WASF2: variants seen among roughly 807,000 people sequenced by gnomAD.
WASF2 encodes actin-binding protein WASF2.
A neutral mutation model predicts 45.0 loss-of-function variants in WASF2; 14 were observed. The observed-to-expected ratio is 0.31, with a 90% CI of 0.21 to 0.49. WASF2 has a LOEUF of 0.49. WASF2 is among the 20% of genes least tolerant of loss of function. The pLI is 0.99. For synonymous variants in WASF2, 200 were observed against 236.3 expected (o/e 0.85, Z 1.41); for missense variants, 439 against 636.1 (o/e 0.69, Z 3.33).
In WASF2 at chr1:27,426,415, A is replaced by G. The variant is rs143734367; in HGVS notation, c.130+2346T>C. Among the ~76,000 whole-genome samples, 35 of 152,312 alleles carry G rather than the reference A, an allele frequency of 2.3e-4. No individual in the cohort carries two copies. The East Asian group carries it at 6.7e-3, about 29-fold the overall frequency. ...AAACCAGGGCAATATTGGCAGAGACAGCGAGTAAGGGACAGAGCTGAGAAA... is the reference window on the plus strand; with the variant it reads ...AAACCAGGGCAATATTGGCAGAGACGGCGAGTAAGGGACAGAGCTGAGAAA... On this transcript the variant is annotated intron_variant, in intron 2 of 8. Coordinates refer to ENST00000618852, the MANE Select transcript of WASF2 (RefSeq NM_006990.5).
At chr1:27,481,781 C>T (rs936014719) in intron 1 of WASF2, among the ~76,000 whole-genome samples, 1 of 152,134 alleles carries the variant, frequency 6.6e-6, no homozygotes, top group African/African-American at 2.4e-5. Flanking sequence ...ATTAATCTTA[C>T]AGCTGAGAGT....
intron 1 of WASF2, among the ~76,000 whole-genome samples, chr1:27,466,124 G>A (rs2017608363): frequency 6.6e-6 from 1 of 152,138 alleles, no homozygotes; most frequent in Non-Finnish European, 1.5e-5. Context: ...TTGAAAACTA[G>A]TAAATGAAAG....
intron 2 of WASF2, among the ~76,000 whole-genome samples, chr1:27,422,726 A>G (rs2016926579): frequency 6.6e-6 from 1 of 152,056 alleles, no homozygotes; most frequent in African/African-American, 2.4e-5. Flanking sequence ...CCTCATCTGT[A>G]AAGTGGGGAT....
intron 5 of WASF2, 68 bp downstream of exon 5, chr1:27,415,917 G>T: frequency 7.5e-7 from 1 of 1,325,168 alleles, no homozygotes; most frequent in Non-Finnish European, 1.1e-6. Flanking sequence ...CATAACACTG[G>T]CTTCCTTTTT....
intron 1 of WASF2, among the ~76,000 whole-genome samples, chr1:27,429,925 C>A (rs1230431062): frequency 6.6e-6 from 1 of 152,004 alleles, no homozygotes; most frequent in Admixed American, 6.5e-5. Flanking sequence ...TGTAAGATTC[C>A]CTGGTGCTTT....
chr1:27,487,657 AATATATATT>A (rs1333943490), intron 1 of WASF2, among the ~76,000 whole-genome samples: 2 of 104,778 alleles, frequency 1.9e-5, no homozygotes, highest in East Asian at 4.6e-4. Flanking sequence ...TATATTATAT[AATATATATT>A]ATATATATTT....
chr1:27,479,470 T>C (rs1311720966), intron 1 of WASF2, among the ~76,000 whole-genome samples: 1 of 152,188 alleles, frequency 6.6e-6, no homozygotes, highest in Admixed American at 6.5e-5. Flanking sequence ...AATATAAATC[T>C]CATCTTAAAA....
chr1:27,422,967 T>C (rs2016929714), intron 2 of WASF2, among the ~76,000 whole-genome samples: 2 of 152,050 alleles, frequency 1.3e-5, no homozygotes, highest in African/African-American at 4.8e-5. Context: ...GGTGAAACCC[T>C]GTCTCTACTA....
At chr1:27,487,045 ATATAT>A (rs1174506093) in intron 1 of WASF2, among the ~76,000 whole-genome samples, 1 of 139,968 alleles carries the variant, frequency 7.1e-6, no homozygotes, top group Non-Finnish European at 1.5e-5. Flanking sequence ...AATCTGTTAC[ATATAT>A]TATATATAAC....
chr1:27,482,164 A>C (rs1370338248), intron 1 of WASF2, among the ~76,000 whole-genome samples: 3 of 152,216 alleles, frequency 2.0e-5, no homozygotes, highest in African/African-American at 7.2e-5. Context: ...ACTTTACCTT[A>C]ATGGTGACTA....
Position 27,408,116 on chromosome 1 carries a change from G to T in WASF2, c.*73C>A. ...TTTCCTCCCTTTTCTCCCCCTACGG[G>T]TCTGTTGGGGTTGGCATCAAAGAAG... On this transcript the variant is annotated 3_prime_UTR_variant, in exon 9 of 9. Coordinates refer to ENST00000618852, the MANE Select transcript of WASF2 (RefSeq NM_006990.5). 6.5e-7 allele frequency: 1 copy of T among 1,547,332 alleles called. No individual in the cohort carries two copies. Among genetic ancestry groups the T allele is most frequent in the East Asian group, 2.3e-5 (1 of 44,004 alleles).
chr1:27,452,647 T>A (rs962612219), intron 1 of WASF2, among the ~76,000 whole-genome samples: 1 of 150,244 alleles, frequency 6.7e-6, no homozygotes, highest in Non-Finnish European at 1.5e-5. Flanking sequence ...TGAAACCCCA[T>A]CTCTACTAAA....
intron 1 of WASF2, among the ~76,000 whole-genome samples, chr1:27,454,617 C>T (rs924605077): frequency 4.6e-5 from 7 of 152,138 alleles, no homozygotes; most frequent in African/African-American, 1.7e-4. Flanking sequence ...GGATTACAGG[C>T]ATGAACTACT....
At chr1:27,487,703 A>G (rs1186751662) in intron 1 of WASF2, among the ~76,000 whole-genome samples, 17 of 115,726 alleles carry the variant, frequency 1.5e-4, no homozygotes, top group African/African-American at 5.8e-4. Flanking sequence ...TATATTTTAT[A>G]CAATATATAA....
rs80070281 is a variant in WASF2, at chr1:27,451,735, T to C, written c.-43-22802A>G. ...AAACAGGATGCTACAAAGTGTGCTATACTGGGTTTGAAAGACCAGGTACAC... is the reference window on the plus strand; with the variant it reads ...AAACAGGATGCTACAAAGTGTGCTACACTGGGTTTGAAAGACCAGGTACAC... On this transcript the variant is annotated intron_variant, in intron 1 of 8. Coordinates refer to ENST00000618852, the MANE Select transcript of WASF2 (RefSeq NM_006990.5). Among the ~76,000 whole-genome samples the C allele has an allele frequency of 7.6e-3, 1,153 of 152,336 alleles. 15 individuals are homozygous for C. Among genetic ancestry groups the C allele is most frequent in the African/African-American group, 0.027 (1,109 of 41,578 alleles).
chr1:27,422,001 G>A (rs545952905), intron 2 of WASF2, among the ~76,000 whole-genome samples: 1 of 147,494 alleles, frequency 6.8e-6, no homozygotes, highest in South Asian at 2.1e-4. Context: ...AAAGAAAAAA[G>A]AAAAATATCT....
chr1:27,467,286 G>A (rs2017627049), intron 1 of WASF2, among the ~76,000 whole-genome samples: 1 of 149,094 alleles, frequency 6.7e-6, no homozygotes, highest in Non-Finnish European at 1.5e-5. Flanking sequence ...GCAACTATTG[G>A]GTAAAATAAA....
At chr1:27,471,428 G>A (rs966662077) in intron 1 of WASF2, among the ~76,000 whole-genome samples, 3 of 151,012 alleles carry the variant, frequency 2.0e-5, no homozygotes, top group Non-Finnish European at 2.9e-5. Context: ...TGTGACGGAA[G>A]AATCGCTTGA....
At chr1:27,419,348 C>T (rs947395474) in intron 2 of WASF2, among the ~76,000 whole-genome samples, 18 of 152,134 alleles carry the variant, frequency 1.2e-4, no homozygotes, top group African/African-American at 4.3e-4. Context: ...TCAAAACAGG[C>T]TGAATAAAAC....
Sources: gnomAD v4.1 joint callset for allele counts (sites outside exome capture counted in the v4.1 genomes callset) on GRCh38, gnomAD v4.1.1 for gene constraint, MANE v1.5 for transcripts, NCBI Gene and HGNC (gene_info 2026-07-23, HGNC 2026-07-21) for gene names.